Variants in DIAPH1 observed in about 807,000 individuals in gnomAD.
DIAPH1 encodes protein diaphanous homolog 1.
In DIAPH1, 46 loss-of-function variants were observed where a neutral mutation model predicts 140.7. The ratio of observed to expected loss-of-function variants is 0.33; its 90% CI spans 0.26 to 0.42. The LOEUF (loss-of-function observed/expected upper bound fraction) is 0.42. DIAPH1 is among the 10% of genes least tolerant of loss of function. The pLI, the probability that DIAPH1 is intolerant of heterozygous loss-of-function variation, is 1.00. For synonymous variants in DIAPH1, 565 were observed against 551.6 expected (o/e 1.02, Z -0.34); for missense variants, 1,310 against 1,558.7 (o/e 0.84, Z 2.69).
At chr5:141,561,064 G>A (rs79517926) in intron 18 of DIAPH1, among the ~76,000 whole-genome samples, 2,516 of 151,732 alleles carry the variant, frequency 0.017, 55 homozygotes, top group African/African-American at 0.05. Context: ...TCAACTGCGC[G>A]CACCCCGTGG....
chr5:141,534,304 T>A, intron 19 of DIAPH1, 31 bp downstream of exon 19: 1 of 1,515,878 alleles, frequency 6.6e-7, no homozygotes, highest in Non-Finnish European at 9.2e-7. Flanking sequence ...TTCCTTCACA[T>A]TTTGAATAGT....
At position 141,536,642 on chromosome 5, in the gene DIAPH1, G is replaced by A. The variant is rs182124340; in HGVS notation, c.2483-2209C>T. On this transcript the variant is annotated intron_variant, in intron 18 of 27. Coordinates refer to ENST00000389054, the MANE Select transcript of DIAPH1 (RefSeq NM_005219.5). ...AGGGATGGTCAGGGAAGATCTCACTGTAAGTGACATCTGAGTAAAGACCTC... is the reference window on the plus strand; with the variant it reads ...AGGGATGGTCAGGGAAGATCTCACTATAAGTGACATCTGAGTAAAGACCTC... Among the ~76,000 whole-genome samples the A allele has an allele frequency of 5.3e-5, 8 of 152,276 alleles. No homozygotes were observed. The South Asian group carries it at 1.0e-3, about 20-fold the overall frequency.
chr5:141,551,435 C>T (rs2099891667), intron 18 of DIAPH1, among the ~76,000 whole-genome samples: 2 of 151,810 alleles, frequency 1.3e-5, no homozygotes, highest in South Asian at 4.2e-4. Flanking sequence ...AGAGCAAGAC[C>T]CTGTCTCTTA....
intron 18 of DIAPH1, chr5:141,558,291 C>G (rs1163248209): frequency 6.6e-6 from 1 of 152,094 alleles, no homozygotes; most frequent in Non-Finnish European, 1.5e-5. Flanking sequence ...GACAACAGAA[C>G]GGAAGGGAGG....
At position 141,534,294 on chromosome 5, in the gene DIAPH1, T is replaced by C. The variant is rs781021832; in HGVS notation, c.2581+41A>G. 3.4e-6 allele frequency: 5 copies of C among 1,462,446 alleles called. No homozygotes were observed. In the South Asian group the frequency reaches 4.5e-5, roughly 13 times the overall value. 90.6% of individuals were successfully genotyped at this position (1,462,446 alleles called of 1,614,324 possible). A position where few individuals can be genotyped will look rare whatever the true frequency, so the allele number is the denominator to read the frequency against. ...AGAGAATTAAAAATTCTTAAAAGAATTCCTTCACATTTTGAATAGTTGGGA... is the reference window on the plus strand; with the variant it reads ...AGAGAATTAAAAATTCTTAAAAGAACTCCTTCACATTTTGAATAGTTGGGA... On this transcript the variant is annotated intron_variant, in intron 19 of 27. Transcript: ENST00000389054.
Position 141,583,634 on chromosome 5 carries a change from CAG to C in DIAPH1, c.403-21_403-20del. On this transcript the variant is annotated intron_variant, in intron 4 of 27. Coordinates refer to ENST00000389054, the MANE Select transcript of DIAPH1 (RefSeq NM_005219.5). ...TCATGCCCTAGACAGAAGGCATAGACAGAGATTAGTAATGGTGGACCCAGTCA... is the reference window on the plus strand; with the variant it reads ...TCATGCCCTAGACAGAAGGCATAGACAGATTAGTAATGGTGGACCCAGTCA... 1 of 1,614,164 alleles carries C rather than the reference CAG, an allele frequency of 6.2e-7. No homozygotes were observed. The highest frequency in any genetic ancestry group is 8.5e-7 in the Non-Finnish European group (1 of 1,179,996).
intron 18 of DIAPH1, among the ~76,000 whole-genome samples, chr5:141,543,648 C>T (rs1370338476): frequency 6.6e-6 from 1 of 152,054 alleles, no homozygotes; most frequent in African/African-American, 2.4e-5. Flanking sequence ...ATAAGTGTCC[C>T]GAGCATGTTT....
chr5:141,597,796 T>C (rs1171867227), intron 1 of DIAPH1, among the ~76,000 whole-genome samples: 2 of 152,194 alleles, frequency 1.3e-5, no homozygotes, highest in African/African-American at 4.8e-5. Context: ...ATGTTAACAG[T>C]TTTTTTCTTT....
intron 1 of DIAPH1, among the ~76,000 whole-genome samples, chr5:141,590,219 T>C (rs1322878074): frequency 6.6e-6 from 1 of 152,230 alleles, no homozygotes; most frequent in Non-Finnish European, 1.5e-5. Context: ...ATGTATACTT[T>C]GTCCATTTTT....
At chr5:141,545,362 G>T (rs753566986) in intron 18 of DIAPH1, among the ~76,000 whole-genome samples, 5 of 152,224 alleles carry the variant, frequency 3.3e-5, no homozygotes, top group Non-Finnish European at 7.3e-5. Flanking sequence ...CTATAATAGT[G>T]TGAGAACAGC....
At position 141,583,472 on chromosome 5, in the gene DIAPH1, T is replaced by C. The variant is rs1554209780; in HGVS notation, c.533+13A>G. 1 of 1,614,082 alleles carries C rather than the reference T, an allele frequency of 6.2e-7. No homozygotes were observed. Among genetic ancestry groups the C allele is most frequent in the Non-Finnish European group, 8.5e-7 (1 of 1,180,044 alleles). The stretch of plus-strand genomic sequence containing the variant: ...TTTGGCTCCTACTCCTGTTACCTCC[T>C]CAGAATCCTCACCTGACAGGGTTGT... On this transcript the variant is annotated intron_variant, in intron 5 of 27. Transcript: ENST00000389054.
chr5:141,525,928 A>C, intron 26 of DIAPH1, 110 bp downstream of exon 26: 1 of 1,566,372 alleles, frequency 6.4e-7, no homozygotes, highest in Non-Finnish European at 8.7e-7. Context: ...ACTGCCAAAA[A>C]TCATTTGCCA....
intron 18 of DIAPH1, among the ~76,000 whole-genome samples, chr5:141,569,632 G>C (rs902875020): frequency 6.6e-6 from 1 of 151,852 alleles, no homozygotes; most frequent in Non-Finnish European, 1.5e-5. Flanking sequence ...CATGATGGTG[G>C]GTGCCTGTAA....
chr5:141,595,092 C>T (rs946591404), intron 1 of DIAPH1, among the ~76,000 whole-genome samples: 1 of 150,804 alleles, frequency 6.6e-6, no homozygotes, highest in Non-Finnish European at 1.5e-5. Context: ...ATTATATGTA[C>T]CCAACTATAT....
chr5:141,578,735 C>T, intron 9 of DIAPH1, 110 bp from the exon 10 acceptor site: 2 of 848,832 alleles, frequency 2.4e-6, no homozygotes, highest in Admixed American at 4.0e-5. Flanking sequence ...AGATACAATA[C>T]AAAAACTCTA....
rs554697470 is a variant in DIAPH1 at position 141,540,685 on chromosome 5, C to T, written c.2483-6252G>A. On this transcript the variant is annotated intron_variant, in intron 18 of 27. Coordinates refer to ENST00000389054, the MANE Select transcript of DIAPH1 (RefSeq NM_005219.5). The stretch of plus-strand genomic sequence containing the variant: ...CTCACCTTGGCCTCCCAAAGTGCTG[C>T]GATTACAGGCATGAGCCACTGCACC... 3.3e-5 allele frequency among the ~76,000 whole-genome samples: 5 copies of T among 151,294 alleles called. No individual in the cohort carries two copies. The East Asian group carries it at 7.9e-4, about 24-fold the overall frequency.
At chr5:141,608,408 C>T (rs2099901278) in intron 1 of DIAPH1, among the ~76,000 whole-genome samples, 2 of 152,236 alleles carry the variant, frequency 1.3e-5, no homozygotes, top group Non-Finnish European at 2.9e-5. Context: ...GTCCAATAGC[C>T]TTTCCACTTA....
At chr5:141,605,301 ATGT>A (rs1288003974) in intron 1 of DIAPH1, among the ~76,000 whole-genome samples, 1 of 152,184 alleles carries the variant, frequency 6.6e-6, no homozygotes, top group African/African-American at 2.4e-5. Context: ...TATAAAGGCA[ATGT>A]TGTAAAAATA....
intron 1 of DIAPH1, among the ~76,000 whole-genome samples, chr5:141,594,325 A>G (rs539260706): frequency 1.3e-5 from 2 of 152,320 alleles, no homozygotes; most frequent in East Asian, 3.9e-4. Flanking sequence ...TGAAAGCAAC[A>G]AAGACATCCT....
Sources: gnomAD v4.1 joint callset for allele counts (sites outside exome capture counted in the v4.1 genomes callset) on GRCh38, gnomAD v4.1.1 for gene constraint, MANE v1.5 for transcripts, NCBI Gene and HGNC (gene_info 2026-07-23, HGNC 2026-07-21) for gene names.